KATNAL2: variants seen among roughly 807,000 people sequenced by gnomAD.
KATNAL2 encodes the protein katanin p60 ATPase-containing subunit A-like 2.
Under a neutral mutation model 76.3 loss-of-function variants are expected in KATNAL2, and 52 were observed. That is an observed-to-expected ratio of 0.68 (90% CI 0.55 to 0.86). KATNAL2 has a LOEUF of 0.86. Ranked by LOEUF, KATNAL2 falls within the 40% of genes least tolerant of loss-of-function variation. The pLI, the probability that KATNAL2 is intolerant of heterozygous loss-of-function variation, is 0.00. For synonymous variants in KATNAL2, 243 were observed against 244.2 expected, an observed-to-expected ratio of 1.00 and a Z score of 0.05; for missense variants, 660 against 668.9, an observed-to-expected ratio of 0.99 and a Z score of 0.15.
intron 15 of KATNAL2, among the ~76,000 whole-genome samples, chr18:47,094,818 GT>G: frequency 6.6e-6 from 1 of 152,210 alleles, no homozygotes; most frequent in Admixed American, 6.5e-5. Context: ...TGAGCCTGGT[GT>G]TTCCCAGCCT....
chr18:47,038,070 T>C (rs2060841161), intron 3 of KATNAL2, among the ~76,000 whole-genome samples: 1 of 152,182 alleles, frequency 6.6e-6, no homozygotes, highest in African/African-American at 2.4e-5. Flanking sequence ...TCGACTCTTT[T>C]GCAAACTGTG....
intron 1 of KATNAL2, among the ~76,000 whole-genome samples, chr18:46,924,726 A>G (rs1030922213): frequency 1.3e-5 from 2 of 152,108 alleles, no homozygotes; most frequent in Admixed American, 6.6e-5. Context: ...ATGTTCTTCC[A>G]TTTGTTTGTA....
At chr18:46,957,249 C>CTTTTTT (rs1223846865) in intron 3 of KATNAL2, among the ~76,000 whole-genome samples, 95 of 73,934 alleles carry the variant, frequency 1.3e-3, no homozygotes, top group East Asian at 2.3e-3. Flanking sequence ...TTGCCCTCTT[C>CTTTTTT]TTTTTTTTTT....
chr18:46,961,966 C>T (rs542737703), intron 3 of KATNAL2, among the ~76,000 whole-genome samples: 5 of 152,252 alleles, frequency 3.3e-5, no homozygotes, highest in Middle Eastern at 3.4e-3. Context: ...AGGGAGTCTG[C>T]GGAAAGAGCT....
At chr18:47,025,312 A>C (rs1346775547) in intron 3 of KATNAL2, among the ~76,000 whole-genome samples, 1 of 120,708 alleles carries the variant, frequency 8.3e-6, no homozygotes, top group Non-Finnish European at 1.8e-5. Context: ...TCTCCTCGGA[A>C]AGGCTTGCTC....
chr18:47,031,935 G>C (rs188898144), intron 3 of KATNAL2, among the ~76,000 whole-genome samples: 39 of 152,234 alleles, frequency 2.6e-4, no homozygotes, highest in Non-Finnish European at 4.4e-4. Context: ...TTGATTACCA[G>C]CCCGTGTGAG....
chr18:46,930,018 G>A (rs116043119), intron 1 of KATNAL2, among the ~76,000 whole-genome samples: 2,873 of 152,004 alleles, frequency 0.019, 77 homozygotes, highest in African/African-American at 0.064. Flanking sequence ...CAGGTGATCC[G>A]CCCTCGTCGA....
chr18:47,074,948 TG>T (rs1384964327), intron 13 of KATNAL2, among the ~76,000 whole-genome samples: 2 of 152,204 alleles, frequency 1.3e-5, no homozygotes, highest in Non-Finnish European at 2.9e-5. Flanking sequence ...AACATATTAT[TG>T]GCAGGGTGTT....
At chr18:46,919,800 C>G (rs1365419207) in intron 1 of KATNAL2, among the ~76,000 whole-genome samples, 1 of 152,194 alleles carries the variant, frequency 6.6e-6, no homozygotes, top group East Asian at 1.9e-4. Context: ...CTAAATCTGT[C>G]TCTCCACCAT....
chr18:47,069,518 C>T lies in KATNAL2; in HGVS notation c.926C>T (p.Thr309Ile). 2 of 1,613,960 alleles carry T rather than the reference C, an allele frequency of 1.2e-6. No homozygotes were observed. The highest frequency in any genetic ancestry group is 1.7e-6 in the Non-Finnish European group (2 of 1,179,880). ...ACTTTACTGGCCAAAGCTGTGGCCA[C>T]TGAATGTAAAACAACCTTCTTTAAC... ...GKTLLAKAVA[T>I]ECKTTFFNIS... Residue 309 changes from threonine (T) to isoleucine (I), a missense_variant, in exon 13 of 18, where the codon ACT becomes ATT. Transcript: ENST00000683218.
In KATNAL2 at chr18:46,946,052, TG is replaced by T. The variant is rs1599400880; in HGVS notation, c.-509-4del. On this transcript the variant is annotated splice_polypyrimidine_tract_variant and splice_region_variant and intron_variant, in intron 1 of 17. Transcript: ENST00000683218. ...ACACTTACGAGAACTTTTTTTTTTTTGTAGATTGAGGAAACTTGAATATTTT... is the reference window on the plus strand; with the variant it reads ...ACACTTACGAGAACTTTTTTTTTTTTTAGATTGAGGAAACTTGAATATTTT... The T allele has an allele frequency of 1.9e-4, 59 of 309,644 alleles. 1 individual carries two copies. In the East Asian group the frequency reaches 7.7e-3, roughly 40 times the overall value. The allele number at this position is 309,644 out of a possible 1,614,324, so 19.2% of individuals were successfully genotyped here.
chr18:47,099,383 T>A lies in KATNAL2; in HGVS notation c.1352T>A (p.Leu451Gln), dbSNP rs747850810. ...AGGGCCTTGGAGCTGCACACAGAGCTGGAGTACAGTGTGCTGAGCCAGGTC... is the reference window on the plus strand; with the variant it reads ...AGGGCCTTGGAGCTGCACACAGAGCAGGAGTACAGTGTGCTGAGCCAGGTC... ...KSRALELHTE[L>Q]EYSVLSQETE... Residue 451 changes from leucine (L) to glutamine (Q), a missense_variant, in exon 16 of 18, where the codon CTG becomes CAG. Coordinates refer to ENST00000683218, the MANE Select transcript of KATNAL2 (RefSeq NM_001387690.1). The A allele has an allele frequency of 1.2e-6, 2 of 1,613,464 alleles. No individual in the cohort carries two copies. Among genetic ancestry groups the A allele is most frequent in the South Asian group, 1.1e-5 (1 of 91,008 alleles).
intron 3 of KATNAL2, among the ~76,000 whole-genome samples, chr18:46,960,267 A>T (rs1223725928): frequency 1.3e-5 from 2 of 152,046 alleles, no homozygotes; most frequent in Non-Finnish European, 2.9e-5. Flanking sequence ...GTGAAACCTC[A>T]TCTCTACTAA....
intron 15 of KATNAL2, among the ~76,000 whole-genome samples, chr18:47,080,703 C>T (rs1000866287): frequency 3.9e-5 from 6 of 152,188 alleles, no homozygotes; most frequent in Admixed American, 3.3e-4. Flanking sequence ...ACCTCGCTAA[C>T]GCTTGTTATT....
intron 3 of KATNAL2, among the ~76,000 whole-genome samples, chr18:46,950,256 G>A (rs946208507): frequency 1.3e-5 from 2 of 152,148 alleles, no homozygotes; most frequent in African/African-American, 4.8e-5. Context: ...CCTAGATGGC[G>A]CTAAGAGCAA....
intron 4 of KATNAL2, among the ~76,000 whole-genome samples, chr18:47,048,582 C>G (rs1468672015): frequency 6.6e-6 from 1 of 152,188 alleles, no homozygotes; most frequent in Non-Finnish European, 1.5e-5. Context: ...CAGGGCAGGG[C>G]TGACTTTGGT....
chr18:46,934,381 C>T (rs569601893), intron 1 of KATNAL2, among the ~76,000 whole-genome samples: 10 of 152,314 alleles, frequency 6.6e-5, no homozygotes, highest in African/African-American at 2.2e-4. Flanking sequence ...TTTTGATTTG[C>T]ATTTCTCTGA....
At chr18:47,035,773 T>A (rs2060747780) in intron 3 of KATNAL2, among the ~76,000 whole-genome samples, 1 of 152,214 alleles carries the variant, frequency 6.6e-6, no homozygotes, top group Admixed American at 6.5e-5. Context: ...ACCGTTGACC[T>A]TCCATGTTCG....
intron 3 of KATNAL2, among the ~76,000 whole-genome samples, chr18:46,957,553 CTTTTTTTTTTT>C (rs67089810): frequency 2.3e-4 from 14 of 60,530 alleles, no homozygotes; most frequent in African/African-American, 8.6e-4. Flanking sequence ...CGCGCCTGGC[CTTTTTTTTTTT>C]TTTTTTTTTT....
Sources: allele counts gnomAD v4.1 joint callset (sites outside exome capture counted in the v4.1 genomes callset), GRCh38; gene constraint gnomAD v4.1.1; transcripts MANE v1.5; gene names NCBI Gene and HGNC (gene_info 2026-07-23, HGNC 2026-07-21).